The following LRRK1 variants were observed in gnomAD, a reference collection of about 807,000 sequenced individuals.
The protein encoded by LRRK1 is leucine rich repeat kinase 1.
Under a neutral mutation model 209.1 loss-of-function variants are expected in LRRK1, and 113 were observed. The ratio of observed to expected loss-of-function variants is 0.54; its 90% CI spans 0.46 to 0.63. The LOEUF is 0.63. LRRK1 is among the 30% of genes least tolerant of loss of function. The probability of loss-of-function intolerance (pLI) is 0.00; values close to 1 mark genes in which losing one functional copy is unlikely to be tolerated. For synonymous variants in LRRK1, 1,144 were observed against 1,099.7 expected, an observed-to-expected ratio of 1.04 and a Z score of -0.80; for missense variants, 2,284 against 2,632.2, an observed-to-expected ratio of 0.87 and a Z score of 2.89.
At chr15:100,972,335 T>TGAGAGAGAGAGAGAGA (rs747771078) in intron 2 of LRRK1, among the ~76,000 whole-genome samples, 1 of 106,136 alleles carries the variant, frequency 9.4e-6, no homozygotes, top group African/African-American at 3.1e-5. Context: ...TATATATATA[T>TGAGAGAGAGAGAGAGA]GAGAGAGAGA....
rs1175395293 is a variant in LRRK1, at chr15:101,024,454, C to T, written c.2068-349C>T. ...CCTCTTGCCCTGGCACACAGGGAGG[C>T]TGAACCCCAGTGCAAGCCGTGACAT... On this transcript the variant is annotated intron_variant, in intron 15 of 33. Transcript: ENST00000388948. The surrounding 1 kb of genome is among the most constrained non-coding windows in gnomAD (Gnocchi z 4.6). Among the ~76,000 whole-genome samples the T allele has an allele frequency of 6.6e-6, 1 of 152,180 alleles. No individual in the cohort carries two copies. Among genetic ancestry groups the T allele is most frequent in the Non-Finnish European group, 1.5e-5 (1 of 68,018 alleles).
At chr15:101,015,959 G>C (rs1222161555) in intron 12 of LRRK1, among the ~76,000 whole-genome samples, 3 of 151,918 alleles carry the variant, frequency 2.0e-5, no homozygotes, top group Non-Finnish European at 2.9e-5. Context: ...ATAGTGAAGA[G>C]AGAGAGGACT....
chr15:101,054,929 T>C lies in LRRK1; in HGVS notation c.4055-17T>C. The C allele has an allele frequency of 6.4e-7, 1 of 1,560,416 alleles. No homozygotes were observed. Among genetic ancestry groups the C allele is most frequent in the Non-Finnish European group, 8.6e-7 (1 of 1,157,320 alleles). Reference sequence around the variant, plus strand: ...ACTGAAATTTTGATACATTTGAAAATTGTTTTTCTTTGCAAGATTCTTCCT... The same window carrying C: ...ACTGAAATTTTGATACATTTGAAAACTGTTTTTCTTTGCAAGATTCTTCCT... On this transcript the variant is annotated splice_polypyrimidine_tract_variant and intron_variant, in intron 26 of 33. Transcript: ENST00000388948.
At chr15:101,002,123 T>C (rs1405859326) in intron 6 of LRRK1, among the ~76,000 whole-genome samples, 1 of 152,196 alleles carries the variant, frequency 6.6e-6, no homozygotes, top group Admixed American at 6.5e-5. Flanking sequence ...CTTCAACTAA[T>C]AGGTTTGCAC....
rs2036976390 is a variant in LRRK1 at position 101,076,088 on chromosome 15, GCA to G, written c.*7241_*7242del. The stretch of plus-strand genomic sequence containing the variant: ...CCTTTCCTTCCTAGGCATGGTTAGT[GCA>G]GTCAGAATTCTTACACAAGAGCCAG... On this transcript the variant is annotated 3_prime_UTR_variant, in exon 34 of 34. Coordinates refer to ENST00000388948, the MANE Select transcript of LRRK1 (RefSeq NM_024652.6). The G allele has an allele frequency of 6.6e-6, 1 of 152,136 alleles. No individual in the cohort carries two copies. The allele number at this position is 152,136 out of a possible 1,614,324, so 9.4% of individuals were successfully genotyped here.
At chr15:101,029,262 T>C (rs11639307) in intron 20 of LRRK1, 30 bp downstream of exon 20, 1,142,060 of 1,577,564 alleles carry the variant, frequency 0.72, 421,599 homozygotes, top group South Asian at 0.8. Flanking sequence ...CGCCAGGCTG[T>C]GCAGGTTGCT....
intron 6 of LRRK1, among the ~76,000 whole-genome samples, chr15:101,008,334 C>CA (rs1424744064): frequency 6.6e-6 from 1 of 152,110 alleles, no homozygotes; most frequent in African/African-American, 2.4e-5. Flanking sequence ...GCTCTGAAAG[C>CA]AGCCTGTCCA....
rs1039018466 is a variant in LRRK1, at chr15:100,919,785, A to T, written c.-123+334A>T. The stretch of plus-strand genomic sequence containing the variant: ...TCCGGGCAGGGTCGGGAAAGCTGGG[A>T]AGCGGAGGCAAGAGACACGAGTCGG... On this transcript the variant is annotated intron_variant, in intron 1 of 33. Transcript: ENST00000388948. The surrounding 1 kb of genome is among the most constrained non-coding windows in gnomAD (Gnocchi z 5.8). Among the ~76,000 whole-genome samples the T allele has an allele frequency of 6.6e-6, 1 of 151,954 alleles. No homozygotes were observed. The highest frequency in any genetic ancestry group is 2.1e-4 in the South Asian group (1 of 4,834).
intron 2 of LRRK1, among the ~76,000 whole-genome samples, chr15:100,952,934 A>C (rs2042684076): frequency 6.6e-6 from 1 of 152,226 alleles, no homozygotes; most frequent in Admixed American, 6.5e-5. Flanking sequence ...ACTCATTTGA[A>C]TGTTGGCTAA....
rs79431634 is a variant in LRRK1 at position 101,044,365 on chromosome 15, C to T, written c.2964-1616C>T. ...GTGGGGTGGCATGAGCCAGCACCTC[C>T]GTGCAGACACTGTGCCCTGCCAGGG... On this transcript the variant is annotated intron_variant, in intron 20 of 33. Coordinates refer to ENST00000388948, the MANE Select transcript of LRRK1 (RefSeq NM_024652.6). Among the ~76,000 whole-genome samples, 1,343 of 152,346 alleles carry T rather than the reference C, an allele frequency of 8.8e-3. 23 individuals carry two copies. Among genetic ancestry groups the T allele is most frequent in the African/African-American group, 0.031 (1,289 of 41,576 alleles).
At chr15:101,006,979 C>T (rs1448050249) in intron 6 of LRRK1, among the ~76,000 whole-genome samples, 2 of 152,202 alleles carry the variant, frequency 1.3e-5, no homozygotes, top group African/African-American at 4.8e-5. Context: ...GATCCAGTGC[C>T]GCCCTTCCCT....
intron 20 of LRRK1, among the ~76,000 whole-genome samples, chr15:101,037,112 G>T (rs1005576165): frequency 6.6e-6 from 1 of 152,202 alleles, no homozygotes; most frequent in Non-Finnish European, 1.5e-5. Context: ...GTTGGTAGTG[G>T]CATCAGTGGG....
intron 33 of LRRK1, 152 bp downstream of exon 33, chr15:101,066,893 T>C (rs1194523980): frequency 7.1e-6 from 5 of 703,336 alleles, no homozygotes; most frequent in Non-Finnish European, 1.2e-5. Flanking sequence ...GGAAACAAGA[T>C]GGGGCCCCTC....
At chr15:100,958,479 T>C (rs1250525420) in intron 2 of LRRK1, among the ~76,000 whole-genome samples, 1 of 152,240 alleles carries the variant, frequency 6.6e-6, no homozygotes, top group Non-Finnish European at 1.5e-5. Context: ...TGTCTTCCAC[T>C]TCTTGGCCTC....
Position 101,070,553 on chromosome 15 carries a change from G to A in LRRK1, c.*1705G>A, listed in dbSNP as rs2036764307. On this transcript the variant is annotated 3_prime_UTR_variant, in exon 34 of 34. Coordinates refer to ENST00000388948, the MANE Select transcript of LRRK1 (RefSeq NM_024652.6). Reference sequence around the variant, plus strand: ...TTTGCTTTGGCATCACGCGAGGCCAGGCTGCTTTGCAGGCACCAAAATTCA... The same window carrying A: ...TTTGCTTTGGCATCACGCGAGGCCAAGCTGCTTTGCAGGCACCAAAATTCA... 1 of 152,098 alleles carries A rather than the reference G, an allele frequency of 6.6e-6. No homozygotes were observed. Among genetic ancestry groups the A allele is most frequent in the Admixed American group, 6.6e-5 (1 of 15,258 alleles). 9.4% of individuals were successfully genotyped at this position (152,098 alleles called of 1,614,324 possible). A position where few individuals can be genotyped will look rare whatever the true frequency, so the allele number is the denominator to read the frequency against.
At chr15:100,963,572 G>A (rs898964617) in intron 2 of LRRK1, among the ~76,000 whole-genome samples, 10 of 152,240 alleles carry the variant, frequency 6.6e-5, no homozygotes, top group East Asian at 3.9e-4. Flanking sequence ...GGCCTGGGCC[G>A]CTTGTCTGCA....
chr15:101,010,732 G>C lies in LRRK1; in HGVS notation c.1176G>C (p.Leu392Phe). The C allele has an allele frequency of 6.2e-7, 1 of 1,612,218 alleles. No homozygotes were observed. ...AACTTGATATATCTGACAATAAATT[G>C]ACAGAACTCCCTGCCCTGTTCCTTC... is the stretch of plus-strand genomic sequence containing the variant. ...LQELDISDNK[L>F]TELPALFLHS... The change falls in exon 9 of 34, where the codon TTG becomes TTC. Residue 392 changes from leucine to phenylalanine, a missense_variant. Coordinates refer to ENST00000388948, the MANE Select transcript of LRRK1 (RefSeq NM_024652.6).
At chr15:101,052,883 G>T in intron 24 of LRRK1, 39 bp from the exon 25 acceptor site, 1 of 1,592,660 alleles carries the variant, frequency 6.3e-7, no homozygotes, top group South Asian at 1.1e-5. Context: ...CCCGCATCAG[G>T]GCGGGGGGGA....
chr15:100,986,513 A>T (rs946519821), intron 4 of LRRK1, among the ~76,000 whole-genome samples: 7 of 152,214 alleles, frequency 4.6e-5, no homozygotes, highest in Non-Finnish European at 1.0e-4. Context: ...TGTCCCACAG[A>T]CCCTGGCTGA....
Sources: gnomAD v4.1 joint callset for allele counts (sites outside exome capture counted in the v4.1 genomes callset) on GRCh38, gnomAD v4.1.1 for gene constraint, Gnocchi (gnomAD v3.1) non-coding constraint, MANE v1.5 for transcripts, NCBI Gene and HGNC (gene_info 2026-07-23, HGNC 2026-07-21) for gene names.